The following SENP7 variants were observed in gnomAD, a reference collection of about 807,000 sequenced individuals.
SENP7 encodes the protein SUMO specific peptidase 7, also known as sentrin-specific protease 7.
SENP7 carries 64 observed loss-of-function variants against 141.2 expected under a neutral mutation model. The ratio of observed to expected loss-of-function variants is 0.45; its 90% CI spans 0.37 to 0.56. The LOEUF is 0.56. Ranked by LOEUF, SENP7 falls within the 20% of genes least tolerant of loss-of-function variation. The pLI, the probability that SENP7 is intolerant of heterozygous loss-of-function variation, is 0.00. For synonymous variants in SENP7, 382 were observed against 426.4 expected, an observed-to-expected ratio of 0.90 and a Z score of 1.28; for missense variants, 1,025 against 1,212.2, an observed-to-expected ratio of 0.85 and a Z score of 2.29.
intron 6 of SENP7, among the ~76,000 whole-genome samples, chr3:101,387,262 T>C (rs2060683912): frequency 6.6e-6 from 1 of 151,992 alleles, no homozygotes; most frequent in African/African-American, 2.4e-5. Flanking sequence ...CCATACCAAC[T>C]ACCACCAGTA....
At chr3:101,438,451 G>A in intron 4 of SENP7, among the ~76,000 whole-genome samples, 1 of 152,020 alleles carries the variant, frequency 6.6e-6, no homozygotes. Flanking sequence ...TTTTTTAATG[G>A]GTTTCAGTTT....
At chr3:101,405,793 G>C (rs2061283970) in intron 5 of SENP7, among the ~76,000 whole-genome samples, 1 of 152,180 alleles carries the variant, frequency 6.6e-6, no homozygotes, top group South Asian at 2.1e-4. Context: ...GCTCTGGAAA[G>C]TCTCAGCAAT....
rs1292835516 is a variant in SENP7, at chr3:101,343,784, T to C, written c.2008A>G (p.Lys670Glu). 2 of 1,613,806 alleles carry C rather than the reference T, an allele frequency of 1.2e-6. No individual in the cohort carries two copies. Among genetic ancestry groups the C allele is most frequent in the African/African-American group, 1.3e-5 (1 of 74,922 alleles). ...AFPLFQNLSS[K>E]ESSFIHYYCV... ...TAATAATGAATAAAAGAACTTTCTT[T>C]TGAAGAGAGGTTCTGAAACAAAGGA... The change falls in exon 14 of 24, where the codon AAA becomes GAA. Residue 670 changes from lysine to glutamate, a missense_variant. Coordinates refer to ENST00000394095, the MANE Select transcript of SENP7 (RefSeq NM_020654.5).
intron 3 of SENP7, among the ~76,000 whole-genome samples, chr3:101,469,027 A>T (rs1001504709): frequency 2.0e-5 from 3 of 152,152 alleles, no homozygotes; most frequent in Non-Finnish European, 4.4e-5. Flanking sequence ...AAGATCTACC[A>T]AGCAAATGGA....
At chr3:101,370,329 T>C (rs1193064665) in intron 7 of SENP7, among the ~76,000 whole-genome samples, 1 of 152,138 alleles carries the variant, frequency 6.6e-6, no homozygotes, top group East Asian at 1.9e-4. Flanking sequence ...AATCTTTGTC[T>C]TGATAGTACC....
chr3:101,469,563 G>A (rs1378638212), intron 3 of SENP7, among the ~76,000 whole-genome samples: 2 of 116,658 alleles, frequency 1.7e-5, no homozygotes, highest in African/African-American at 2.9e-5. Context: ...GATGGCTCAC[G>A]CCTGTAATCC....
chr3:101,453,658 T>C (rs369512503), intron 4 of SENP7, among the ~76,000 whole-genome samples: 11 of 151,856 alleles, frequency 7.2e-5, no homozygotes, highest in African/African-American at 2.2e-4. Context: ...TAGGTGGGAA[T>C]TGAACAATGA....
intron 3 of SENP7, among the ~76,000 whole-genome samples, chr3:101,481,895 A>G (rs1330983743): frequency 6.6e-6 from 1 of 152,248 alleles, no homozygotes; most frequent in Non-Finnish European, 1.5e-5. Flanking sequence ...CCAATAAGCA[A>G]TTACAGCGAG....
At chr3:101,459,256 T>A (rs1310156789) in intron 3 of SENP7, among the ~76,000 whole-genome samples, 1 of 152,180 alleles carries the variant, frequency 6.6e-6, no homozygotes, top group Admixed American at 6.5e-5. Context: ...GGAAGACATT[T>A]TAAAGTACCA....
At chr3:101,358,739 A>G (rs1044483549) in intron 11 of SENP7, 1 of 156,082 alleles carries the variant, frequency 6.4e-6, no homozygotes, top group African/African-American at 2.4e-5. Context: ...GGTTCAAGCC[A>G]TTCTCCTGCC....
chr3:101,414,627 G>A lies in SENP7; in HGVS notation c.482+2966C>T, dbSNP rs1447290547. ...TGAAGGAAGCTCTCTTAGCCATTGG[G>A]AAATAAAAGTCTTTGCCAGTGGCCA... is the stretch of plus-strand genomic sequence containing the variant. On this transcript the variant is annotated intron_variant, in intron 5 of 23. Transcript: ENST00000394095. 3.2e-6 allele frequency: 5 copies of A among 1,565,942 alleles called. No individual in the cohort carries two copies. The African/African-American group carries it at 4.1e-5, about 13-fold the overall frequency.
intron 2 of SENP7, among the ~76,000 whole-genome samples, chr3:101,499,858 G>A (rs774752720): frequency 1.3e-4 from 19 of 151,932 alleles, no homozygotes; most frequent in Non-Finnish European, 2.1e-4. Flanking sequence ...TTGTAGAGAC[G>A]GGGTTTCACC....
At chr3:101,512,658 G>T (rs920400601) in intron 1 of SENP7, among the ~76,000 whole-genome samples, 8 of 152,204 alleles carry the variant, frequency 5.3e-5, no homozygotes, top group Non-Finnish European at 1.2e-4. Flanking sequence ...CCTGCTGAGG[G>T]AAAGAGGAGG....
intron 5 of SENP7, among the ~76,000 whole-genome samples, chr3:101,409,477 C>T (rs1461722889): frequency 6.6e-6 from 1 of 151,998 alleles, no homozygotes; most frequent in Non-Finnish European, 1.5e-5. Flanking sequence ...TGCCTGAATA[C>T]CCAAAGCAAG....
intron 17 of SENP7, among the ~76,000 whole-genome samples, chr3:101,336,159 C>T (rs1216273233): frequency 6.6e-6 from 1 of 152,178 alleles, no homozygotes; most frequent in Non-Finnish European, 1.5e-5. Flanking sequence ...CATATAACTT[C>T]CTTAAGCTTC....
intron 7 of SENP7, among the ~76,000 whole-genome samples, 166 bp downstream of exon 7, chr3:101,371,842 C>A (rs1355876262): frequency 6.6e-6 from 1 of 152,016 alleles, no homozygotes; most frequent in Non-Finnish European, 1.5e-5. Flanking sequence ...GAGTACTACG[C>A]TACATAAAGA....
chr3:101,451,895 T>C (rs1218905557), intron 4 of SENP7, among the ~76,000 whole-genome samples: 1 of 152,174 alleles, frequency 6.6e-6, no homozygotes, highest in East Asian at 1.9e-4. Flanking sequence ...ATAAAGGGTA[T>C]TCAATTAGGA....
intron 6 of SENP7, among the ~76,000 whole-genome samples, chr3:101,374,596 C>T (rs1424651544): frequency 1.6e-5 from 2 of 126,966 alleles, no homozygotes; most frequent in African/African-American, 2.8e-5. Flanking sequence ...GGTTTCACCC[C>T]ACCCACACAC....
intron 6 of SENP7, among the ~76,000 whole-genome samples, chr3:101,394,563 A>G (rs1576208903): frequency 6.6e-6 from 1 of 150,924 alleles, no homozygotes; most frequent in Non-Finnish European, 1.5e-5. Context: ...CCCAGGCTGG[A>G]GTGCAGTGGC....
Sources: allele counts gnomAD v4.1 joint callset (sites outside exome capture counted in the v4.1 genomes callset), GRCh38; gene constraint gnomAD v4.1.1; transcripts MANE v1.5; gene names NCBI Gene and HGNC (gene_info 2026-07-23, HGNC 2026-07-21).